The following IL1RAPL1 variants were observed in gnomAD, a reference collection of about 807,000 sequenced individuals.
IL1RAPL1 encodes interleukin-1 receptor accessory protein-like 1.
Under a neutral mutation model 48.4 loss-of-function variants are expected in IL1RAPL1, and 3 were observed. The ratio of observed to expected loss-of-function variants is 0.06; its 90% CI spans 0.03 to 0.16. The LOEUF (loss-of-function observed/expected upper bound fraction) is 0.16, where lower values mean the gene tolerates loss of function less well. Ranked by LOEUF, IL1RAPL1 falls within the 10% of genes least tolerant of loss-of-function variation. The pLI, the probability that IL1RAPL1 is intolerant of heterozygous loss-of-function variation, is 1.00. For missense variants in IL1RAPL1, 349 were observed against 530.6 expected (o/e 0.66, Z 3.36); for synonymous variants, 185 against 187.7 (o/e 0.99, Z 0.12).
At chrX:29,659,217 A>G (rs928514491) in intron 5 of IL1RAPL1, among the ~76,000 whole-genome samples, 1 of 112,008 alleles carries the variant, frequency 8.9e-6, no homozygotes, top group African/African-American at 3.2e-5. Context: ...AATGGAACGA[A>G]ATAGAGTTGT....
chrX:29,575,772 G>A (rs1922754366), intron 5 of IL1RAPL1, among the ~76,000 whole-genome samples: 2 of 112,178 alleles, frequency 1.8e-5, no homozygotes, highest in Non-Finnish European at 3.8e-5. Flanking sequence ...ACCTGTTAGG[G>A]TGATAGCTCT....
At chrX:28,913,410 G>T (rs1017035073) in intron 2 of IL1RAPL1, among the ~76,000 whole-genome samples, 1 of 111,676 alleles carries the variant, frequency 9.0e-6, no homozygotes, top group Admixed American at 9.6e-5. Context: ...GCTTAACAGT[G>T]TGTTGCCTTT....
chrX:29,370,965 A>C, intron 3 of IL1RAPL1, among the ~76,000 whole-genome samples: 1 of 109,852 alleles, frequency 9.1e-6, no homozygotes, highest in South Asian at 3.9e-4. Flanking sequence ...AAATCATGGT[A>C]ATTAGCATAT....
chrX:29,152,147 A>G (rs771165474), intron 2 of IL1RAPL1, among the ~76,000 whole-genome samples: 1 of 111,142 alleles, frequency 9.0e-6, no homozygotes, highest in South Asian at 3.9e-4. Context: ...GTGCAGGGGA[A>G]CTGCCCTTTA....
At chrX:29,281,753 T>A (rs958440866) in intron 2 of IL1RAPL1, among the ~76,000 whole-genome samples, 1 of 112,384 alleles carries the variant, frequency 8.9e-6, no homozygotes, top group Non-Finnish European at 1.9e-5. Flanking sequence ...TTATTAAATG[T>A]AACAGGGGAT....
intron 1 of IL1RAPL1, among the ~76,000 whole-genome samples, chrX:28,631,478 G>C (rs1162632260): frequency 8.9e-6 from 1 of 112,164 alleles, no homozygotes; most frequent in Non-Finnish European, 1.9e-5. Flanking sequence ...CTAGGGTAAA[G>C]GGTACCAGGA....
chrX:28,764,246 G>C (rs1936209314), intron 1 of IL1RAPL1, among the ~76,000 whole-genome samples: 1 of 111,495 alleles, frequency 9.0e-6, no homozygotes, highest in Non-Finnish European at 1.9e-5. Flanking sequence ...GAGAATTCCA[G>C]TAAATCACAA....
intron 2 of IL1RAPL1, among the ~76,000 whole-genome samples, chrX:29,250,278 A>T (rs1298598966): frequency 1.8e-5 from 2 of 112,354 alleles, no homozygotes; most frequent in African/African-American, 6.5e-5. Context: ...AAACAACAAC[A>T]ACAAAAAGTT....
chrX:29,099,156 C>A (rs1322720198), intron 2 of IL1RAPL1, among the ~76,000 whole-genome samples: 2 of 72,202 alleles, frequency 2.8e-5, no homozygotes, highest in Non-Finnish European at 4.9e-5. Context: ...GCGTCTCAAA[C>A]AAAACAAAAC....
chrX:28,659,179 C>T (rs1328552775), intron 1 of IL1RAPL1: 5 of 680,170 alleles, frequency 7.4e-6, no homozygotes, highest in Non-Finnish European at 1.2e-5. Flanking sequence ...CCAGCTAGGC[C>T]TCAGTTGCCT....
chrX:29,741,935 G>GAAAAAAAAAAAAAAAAAAAAAAAA (rs1182352727), intron 6 of IL1RAPL1, among the ~76,000 whole-genome samples: 1 of 61,834 alleles, frequency 1.6e-5, no homozygotes. Flanking sequence ...AAAAAAAAAA[G>GAAAAAAAAAAAAAAAAAAAAAAAA]AAAAAAAAAA....
chrX:29,847,434 C>G (rs1224733293), intron 6 of IL1RAPL1, among the ~76,000 whole-genome samples: 1 of 111,756 alleles, frequency 8.9e-6, no homozygotes, highest in African/African-American at 3.3e-5. Flanking sequence ...CACTGTAATT[C>G]AAGTTCTTTA....
rs753754396 is a variant in IL1RAPL1 at position 29,039,284 on chromosome X, T to TA, written c.83-243645dup. 1.3e-3 allele frequency among the ~76,000 whole-genome samples: 146 copies of TA among 109,951 alleles called. 4 individuals carry two copies. The East Asian group carries it at 0.032, about 24-fold the overall frequency. On this transcript the variant is annotated intron_variant, in intron 2 of 10. Coordinates refer to ENST00000378993, the MANE Select transcript of IL1RAPL1 (RefSeq NM_014271.4). ...GGCCTTTAATCCAGCAAGTCTGTTA[T>TA]AAAAAAAAAGCTCACTCTCAAAGCC...
chrX:29,212,468 C>T (rs1930788304), intron 2 of IL1RAPL1, among the ~76,000 whole-genome samples: 1 of 111,046 alleles, frequency 9.0e-6, no homozygotes, highest in Non-Finnish European at 1.9e-5. Flanking sequence ...ACCACCATGC[C>T]CAGCTAATTT....
chrX:28,654,217 C>A (rs1475124565), intron 1 of IL1RAPL1, among the ~76,000 whole-genome samples: 14 of 101,403 alleles, frequency 1.4e-4, no homozygotes, highest in Non-Finnish European at 2.7e-4. Flanking sequence ...AAAAAAAACA[C>A]ACACGAACAA....
intron 6 of IL1RAPL1, among the ~76,000 whole-genome samples, chrX:29,879,475 AAAAG>A (rs1009511007): frequency 7.4e-5 from 8 of 107,790 alleles, no homozygotes; most frequent in African/African-American, 2.4e-4. Context: ...CCAAGAGAAA[AAAAG>A]GTAATTTCCC....
chrX:29,177,867 G>C (rs1930058032), intron 2 of IL1RAPL1, among the ~76,000 whole-genome samples: 1 of 111,554 alleles, frequency 9.0e-6, no homozygotes, highest in African/African-American at 3.3e-5. Context: ...CCTTGTGATA[G>C]TTTGCTCAGA....
At chrX:29,136,803 T>C (rs1728309440) in intron 2 of IL1RAPL1, among the ~76,000 whole-genome samples, 1 of 112,091 alleles carries the variant, frequency 8.9e-6, no homozygotes, top group South Asian at 3.7e-4. Context: ...ATGCCTGGGA[T>C]ATAATAGCAA....
At chrX:29,644,653 G>A (rs1405261943) in intron 5 of IL1RAPL1, among the ~76,000 whole-genome samples, 4 of 109,878 alleles carry the variant, frequency 3.6e-5, no homozygotes, top group South Asian at 4.0e-4. Context: ...TGCAACCTCC[G>A]CCTCCCATGT....
Sources: allele counts gnomAD v4.1 joint callset (sites outside exome capture counted in the v4.1 genomes callset), GRCh38; gene constraint gnomAD v4.1.1; transcripts MANE v1.5; gene names NCBI Gene and HGNC (gene_info 2026-07-23, HGNC 2026-07-21).